Variants in INPP4A observed in about 807,000 individuals in gnomAD.
The protein encoded by INPP4A is inositol polyphosphate-4-phosphatase, type I, 107kD.
In INPP4A, 33 loss-of-function variants were observed where a neutral mutation model predicts 119.8. That is an observed-to-expected ratio of 0.28 (90% CI 0.21 to 0.37). The LOEUF (loss-of-function observed/expected upper bound fraction) is 0.37, where lower values mean the gene tolerates loss of function less well. Among genes scored for constraint, INPP4A ranks in the 10% least tolerant of loss-of-function variants. The probability of loss-of-function intolerance (pLI) is 1.00; values close to 1 mark genes in which losing one functional copy is unlikely to be tolerated. For synonymous variants in INPP4A, 496 were observed against 500.7 expected (o/e 0.99, Z 0.12); for missense variants, 956 against 1,289.9 (o/e 0.74, Z 3.97).
intron 19 of INPP4A, 118 bp from the exon 20 acceptor site, chr2:98,565,522 A>C: frequency 6.4e-6 from 7 of 1,100,938 alleles, no homozygotes; most frequent in African/African-American, 1.6e-5. Context: ...CCCCTCCACC[A>C]GAGCCACACC....
chr2:98,542,695 T>G (rs539645123), intron 10 of INPP4A, among the ~76,000 whole-genome samples: 165 of 152,328 alleles, frequency 1.1e-3, no homozygotes, highest in South Asian at 2.9e-3. Context: ...TTTGCTGTTA[T>G]GATTGTGTAG....
chr2:98,591,242 A>G lies in INPP4A; in HGVS notation c.*3634A>G, dbSNP rs1575218238. The G allele has an allele frequency of 1.2e-5, 2 of 171,980 alleles. No individual in the cohort carries two copies. The highest frequency in any genetic ancestry group is 2.2e-4 in the East Asian group (2 of 9,170). 10.7% of individuals were successfully genotyped at this position (171,980 alleles called of 1,614,324 possible). On this transcript the variant is annotated 3_prime_UTR_variant, in exon 25 of 25. Coordinates refer to ENST00000409851, the MANE Select transcript of INPP4A (RefSeq NM_001134225.2). ...ATGGTGGTGTGGCTGCGTGCCCACGACGAGGGGCTGGACTAAAGTGCTCAC... is the reference window on the plus strand; with the variant it reads ...ATGGTGGTGTGGCTGCGTGCCCACGGCGAGGGGCTGGACTAAAGTGCTCAC...
intron 13 of INPP4A, 163 bp from the exon 14 acceptor site, chr2:98,552,623 C>T (rs1232409995): frequency 6.7e-6 from 5 of 746,626 alleles, no homozygotes; most frequent in Non-Finnish European, 1.2e-5. Flanking sequence ...GGAAGAATCT[C>T]CTAAGATATA....
At chr2:98,445,324 G>A (rs1369505700) in intron 1 of INPP4A, among the ~76,000 whole-genome samples, 5 of 152,192 alleles carry the variant, frequency 3.3e-5, no homozygotes, top group African/African-American at 1.2e-4. Context: ...CGCCCCAGCA[G>A]GGAGCCGGGT....
intron 14 of INPP4A, 112 bp downstream of exon 14, chr2:98,553,081 T>C: frequency 1.2e-6 from 1 of 858,758 alleles, no homozygotes; most frequent in Non-Finnish European, 1.8e-6. Flanking sequence ...GACATTGGGA[T>C]GACTTTGAAG....
In INPP4A at chr2:98,546,142, T is replaced by C. The variant is rs79694304; in HGVS notation, c.1054+69T>C. ...CTTTTCTCTGTGGGTACTTGGTCCC[T>C]GAGTACCCCACATCTGCCCATTTCC... On this transcript the variant is annotated intron_variant, in intron 12 of 24. Transcript: ENST00000409851. This position sits in a 1 kb window ranked among gnomAD's most constrained non-coding sequence, Gnocchi z 4.2. The C allele has an allele frequency of 8.8e-4, 938 of 1,066,656 alleles. 9 individuals are homozygous for C. The African/African-American group carries it at 0.013, about 15-fold the overall frequency. The allele number at this position is 1,066,656 out of a possible 1,614,324, so 66.1% of individuals were successfully genotyped here.
intron 1 of INPP4A, among the ~76,000 whole-genome samples, chr2:98,487,567 C>G (rs1030827984): frequency 6.6e-6 from 1 of 152,096 alleles, no homozygotes; most frequent in Non-Finnish European, 1.5e-5. Context: ...TCAATATGGA[C>G]TCAATGGTTT....
At chr2:98,517,353 C>T (rs915215912) in intron 1 of INPP4A, among the ~76,000 whole-genome samples, 4 of 152,150 alleles carry the variant, frequency 2.6e-5, no homozygotes, top group African/African-American at 4.8e-5. Flanking sequence ...CATAAGTGTG[C>T]GTTTCTGTTA....
intron 23 of INPP4A, 29 bp from the exon 24 acceptor site, chr2:98,576,960 C>A: frequency 6.3e-7 from 1 of 1,599,730 alleles, no homozygotes; most frequent in Non-Finnish European, 8.6e-7. Context: ...AGCCTCGCCT[C>A]TAAGCACGGC....
At chr2:98,503,726 C>T (rs1423424823) in intron 1 of INPP4A, among the ~76,000 whole-genome samples, 1 of 152,226 alleles carries the variant, frequency 6.6e-6, no homozygotes, top group Non-Finnish European at 1.5e-5. Flanking sequence ...TTTGGACACT[C>T]TCATCAGAAG....
At chr2:98,571,458 A>G (rs1329040481) in intron 22 of INPP4A, among the ~76,000 whole-genome samples, 1 of 152,212 alleles carries the variant, frequency 6.6e-6, no homozygotes, top group Non-Finnish European at 1.5e-5. Flanking sequence ...CGGCTGCAGT[A>G]AGTAGGAAGG....
At chr2:98,455,348 GAA>G (rs1189370340) in intron 1 of INPP4A, among the ~76,000 whole-genome samples, 1 of 146,418 alleles carries the variant, frequency 6.8e-6, no homozygotes, top group Non-Finnish European at 1.5e-5. Context: ...TACAAAAAAA[GAA>G]AAAAAAAAGA....
chr2:98,446,445 G>T (rs1398203585), intron 1 of INPP4A, among the ~76,000 whole-genome samples: 3 of 152,054 alleles, frequency 2.0e-5, no homozygotes, highest in Non-Finnish European at 4.4e-5. Context: ...CAGGAGTGGT[G>T]CCAGGAGGCC....
At chr2:98,462,565 A>G (rs1283079454) in intron 1 of INPP4A, among the ~76,000 whole-genome samples, 1 of 151,748 alleles carries the variant, frequency 6.6e-6, no homozygotes, top group Non-Finnish European at 1.5e-5. Context: ...TCACTCTGTC[A>G]ACCAGACTGG....
Position 98,591,921 on chromosome 2 carries a change from T to A in INPP4A, c.*4313T>A, listed in dbSNP as rs1180809686. Reference sequence around the variant, plus strand: ...GCATTGAGTGTTCCTAATGTTGTAGTAATGAGCAGTAGATGTCTCTCAGTG... The same window carrying A: ...GCATTGAGTGTTCCTAATGTTGTAGAAATGAGCAGTAGATGTCTCTCAGTG... On this transcript the variant is annotated 3_prime_UTR_variant, in exon 25 of 25. Coordinates refer to ENST00000409851, the MANE Select transcript of INPP4A (RefSeq NM_001134225.2). 6.6e-6 allele frequency: 1 copy of A among 152,218 alleles called. No homozygotes were observed. The highest frequency in any genetic ancestry group is 1.5e-5 in the Non-Finnish European group (1 of 68,066). The allele number at this position is 152,218 out of a possible 1,614,324, so 9.4% of individuals were successfully genotyped here. A position where few individuals can be genotyped will look rare whatever the true frequency, so the allele number is the denominator to read the frequency against.
In INPP4A at chr2:98,566,654, CA is replaced by C. The variant is rs1696504657; in HGVS notation, c.2420+486del. On this transcript the variant is annotated intron_variant, in intron 21 of 24. Transcript: ENST00000409851. The surrounding 1 kb of genome is among the most constrained non-coding windows in gnomAD (Gnocchi z 4.2). ...GCAGGGATTGGCAGGTAAGGGTAGACAGGCTCTGTGTGCCAGGCTGAGACTC... is the reference window on the plus strand; with the variant it reads ...GCAGGGATTGGCAGGTAAGGGTAGACGGCTCTGTGTGCCAGGCTGAGACTC... 6.6e-6 allele frequency among the ~76,000 whole-genome samples: 1 copy of C among 152,130 alleles called. No individual in the cohort carries two copies. Among genetic ancestry groups the C allele is most frequent in the Non-Finnish European group, 1.5e-5 (1 of 68,012 alleles).
intron 13 of INPP4A, chr2:98,549,071 G>A (rs1448534909): frequency 3.4e-5 from 35 of 1,038,676 alleles, no homozygotes; most frequent in East Asian, 7.3e-5. Flanking sequence ...TTCCCCTGCG[G>A]TGCTGCCATG....
chr2:98,545,595 C>A (rs1179508154), intron 11 of INPP4A, among the ~76,000 whole-genome samples: 1 of 152,154 alleles, frequency 6.6e-6, no homozygotes, highest in Non-Finnish European at 1.5e-5. Flanking sequence ...CTGGCGTGGA[C>A]CCCTTTGCTT....
rs1692530546 is a variant in INPP4A at position 98,546,636 on chromosome 2, G to A, written c.1105G>A (p.Gly369Ser). Residue 369 changes from glycine to serine, a missense_variant, in exon 13 of 25, where the codon GGT (glycine) becomes AGT (serine). Physicochemically the swap from Gly to Ser is moderately conservative, Grantham distance 56. Coordinates refer to ENST00000409851, the MANE Select transcript of INPP4A (RefSeq NM_001134225.2). The surrounding 1 kb of genome is among the most constrained non-coding windows in gnomAD (Gnocchi z 4.2). The stretch of plus-strand genomic sequence containing the variant: ...TGGGGCGCCAGCAGCACACTGCCAA[G>A]GTTTTAAGTCAGGAGGTCTCCGCAA... The part of the protein sequence containing the change: ...TIGAPAAHCQ[G>S]FKSGGLRKKL... 1.2e-6 allele frequency: 2 copies of A among 1,613,950 alleles called. No individual in the cohort carries two copies. The highest frequency in any genetic ancestry group is 1.7e-6 in the Non-Finnish European group (2 of 1,179,830).
Sources: allele counts gnomAD v4.1 joint callset (sites outside exome capture counted in the v4.1 genomes callset), GRCh38; gene constraint gnomAD v4.1.1; non-coding constraint Gnocchi (gnomAD v3.1); transcripts MANE v1.5; gene names NCBI Gene and HGNC (gene_info 2026-07-23, HGNC 2026-07-21).